The following SFRP5 variants were observed in gnomAD, a reference collection of about 807,000 sequenced individuals.
SFRP5 encodes secreted frizzled-related protein 5.
A neutral mutation model predicts 27.0 loss-of-function variants in SFRP5; 22 were observed. The ratio of observed to expected loss-of-function variants is 0.82; its 90% CI spans 0.58 to 1.17. The LOEUF (loss-of-function observed/expected upper bound fraction) is 1.17. Among genes scored for constraint, SFRP5 ranks in the 50% most tolerant of loss-of-function variants. The probability of loss-of-function intolerance (pLI) is 0.00; values close to 1 mark genes in which losing one functional copy is unlikely to be tolerated. For synonymous variants in SFRP5, 171 were observed against 195.0 expected (o/e 0.88, Z 1.03); for missense variants, 406 against 436.6 (o/e 0.93, Z 0.63).
In SFRP5 at chr10:97,767,319, G is replaced by C; in HGVS notation, c.*195C>G. 1 of 538,010 alleles carries C rather than the reference G, an allele frequency of 1.9e-6. No homozygotes were observed. Among genetic ancestry groups the C allele is most frequent in the Non-Finnish European group, 3.3e-6 (1 of 307,552 alleles). The allele number at this position is 538,010 out of a possible 1,614,324, so 33.3% of individuals were successfully genotyped here. On this transcript the variant is annotated 3_prime_UTR_variant, in exon 3 of 3. Coordinates refer to ENST00000266066, the MANE Select transcript of SFRP5 (RefSeq NM_003015.3). ...ATGAAGAAGCCCTGCTCCTGAGAGA[G>C]GAAGCCCAACATCCCAGGGACCCCA... is the stretch of plus-strand genomic sequence containing the variant.
chr10:97,769,895 C>G lies in SFRP5; in HGVS notation c.530-150G>C. On this transcript the variant is annotated intron_variant, in intron 1 of 2. Coordinates refer to ENST00000266066, the MANE Select transcript of SFRP5 (RefSeq NM_003015.3). ...TATCAGGAGATGGGATGATGGCAAT[C>G]ATATCACTACCTGCTCACAGAGTGA... 3 of 653,438 alleles carry G rather than the reference C, an allele frequency of 4.6e-6. 1 individual carries two copies. Among genetic ancestry groups the G allele is most frequent in the South Asian group, 3.5e-5 (2 of 57,356 alleles). 40.5% of individuals were successfully genotyped at this position (653,438 alleles called of 1,614,324 possible).
chr10:97,771,394 G>C lies in SFRP5; in HGVS notation c.440C>G (p.Pro147Arg). The change falls in exon 1 of 3, where the codon CCT becomes CGT. Residue 147 changes from proline to arginine, a missense_variant. Pro to Arg is a moderately radical substitution (Grantham distance 103, BLOSUM62 -2). Coordinates refer to ENST00000266066, the MANE Select transcript of SFRP5 (RefSeq NM_003015.3). The surrounding 1 kb of genome is among the most constrained non-coding windows in gnomAD (Gnocchi z 5.2). ...GAACTTGTGGCAGTGCAGCATCTCA[G>C]GCCAGGGGAAGCCGTAGGCCTCCAT... is the stretch of plus-strand genomic sequence containing the variant. ...PLMEAYGFPWPEMLHCHKFPL... is the reference protein window; with the variant it reads ...PLMEAYGFPWREMLHCHKFPL... 2 of 1,612,824 alleles carry C rather than the reference G, an allele frequency of 1.2e-6. No homozygotes were observed. Among genetic ancestry groups the C allele is most frequent in the Non-Finnish European group, 1.7e-6 (2 of 1,179,538 alleles).
In SFRP5 at chr10:97,771,808, C is replaced by T; in HGVS notation, c.26G>A (p.Gly9Asp). Residue 9 changes from glycine (G) to aspartate (D), a missense_variant, in exon 1 of 3, where the codon GGC (glycine) becomes GAC (aspartate). Transcript: ENST00000266066. This position sits in a 1 kb window ranked among gnomAD's most constrained non-coding sequence, Gnocchi z 5.2. ...CAGCGCCAGCGCGGCCGTCCGCACG[C>T]CCCCCCCCGCCGCCGCCGCCCGCAT... is the stretch of plus-strand genomic sequence containing the variant. MRAAAAGG[G>D]VRTAALALLL... 2 of 1,117,620 alleles carry T rather than the reference C, an allele frequency of 1.8e-6. No individual in the cohort carries two copies. The highest frequency in any genetic ancestry group is 4.1e-5 in the South Asian group (1 of 24,164). 69.2% of individuals were successfully genotyped at this position (1,117,620 alleles called of 1,614,324 possible).
rs1388476211 is a variant in SFRP5, at chr10:97,771,915, C to G, written c.-82G>C. On this transcript the variant is annotated 5_prime_UTR_variant, in exon 1 of 3. Transcript: ENST00000266066. This position sits in a 1 kb window ranked among gnomAD's most constrained non-coding sequence, Gnocchi z 5.2. Reference sequence around the variant, plus strand: ...GCCCAGGTGTTCCGGCGTGCGCCCCCGGCCCTGACTCTACCCAGCCGCCGC... The same window carrying G: ...GCCCAGGTGTTCCGGCGTGCGCCCCGGGCCCTGACTCTACCCAGCCGCCGC... The G allele has an allele frequency of 2.1e-6, 2 of 946,772 alleles. No homozygotes were observed. The highest frequency in any genetic ancestry group is 1.8e-5 in the African/African-American group (1 of 54,940). The allele number at this position is 946,772 out of a possible 1,614,324, so 58.6% of individuals were successfully genotyped here. A position where few individuals can be genotyped will look rare whatever the true frequency, so the allele number is the denominator to read the frequency against.
rs1388608662 is a variant in SFRP5, at chr10:97,771,733, T to C, written c.101A>G (p.Tyr34Cys). Residue 34 changes from tyrosine (Y) to cysteine (C), a missense_variant, in exon 1 of 3, where the codon TAC (tyrosine) becomes TGC (cysteine). Transcript: ENST00000266066. The surrounding 1 kb of genome is among the most constrained non-coding windows in gnomAD (Gnocchi z 5.2). ...CAGCGGCTCGGCCTGCCAGCCATAG[T>C]AGTCGTACTCCTCGCAGCGCGCCGG... Reference protein sequence around the residue: ...WAPARCEEYDYYGWQAEPLHG... With the variant: ...WAPARCEEYDCYGWQAEPLHG... 15 of 1,596,244 alleles carry C rather than the reference T, an allele frequency of 9.4e-6. No homozygotes were observed. Among genetic ancestry groups the C allele is most frequent in the East Asian group, 2.2e-5 (1 of 44,812 alleles).
chr10:97,767,811 C>T lies in SFRP5; in HGVS notation c.657G>A (p.Lys219=). The part of the protein sequence containing the change: ...KEIKIENGDR[K]LIGAQKKKKL... The stretch of plus-strand genomic sequence containing the variant: ...TCTTCTTTTTCTGGGCTCCAATCAG[C>T]TTCCGGTCCCCATTCTCTATCTTGA... The change falls in exon 3 of 3, where the codon AAG becomes AAA. Residue 219 remains lysine (K), a synonymous_variant. Transcript: ENST00000266066. 1 of 1,539,982 alleles carries T rather than the reference C, an allele frequency of 6.5e-7. No homozygotes were observed. Among genetic ancestry groups the T allele is most frequent in the Non-Finnish European group, 8.7e-7 (1 of 1,147,844 alleles).
chr10:97,767,327 A>C lies in SFRP5; in HGVS notation c.*187T>G. 1.8e-6 allele frequency: 1 copy of C among 544,084 alleles called. No homozygotes were observed. Among genetic ancestry groups the C allele is most frequent in the Non-Finnish European group, 3.2e-6 (1 of 311,304 alleles). The allele number at this position is 544,084 out of a possible 1,614,324, so 33.7% of individuals were successfully genotyped here. ...GCCCTGCTCCTGAGAGAGGAAGCCCAACATCCCAGGGACCCCAGGACCCCT... is the reference window on the plus strand; with the variant it reads ...GCCCTGCTCCTGAGAGAGGAAGCCCCACATCCCAGGGACCCCAGGACCCCT... On this transcript the variant is annotated 3_prime_UTR_variant, in exon 3 of 3. Coordinates refer to ENST00000266066, the MANE Select transcript of SFRP5 (RefSeq NM_003015.3).
chr10:97,771,192 GT>G lies in SFRP5; in HGVS notation c.529+112del. On this transcript the variant is annotated intron_variant, in intron 1 of 2. Coordinates refer to ENST00000266066, the MANE Select transcript of SFRP5 (RefSeq NM_003015.3). This position sits in a 1 kb window ranked among gnomAD's most constrained non-coding sequence, Gnocchi z 5.2. ...GCTGGGCTGAGCTAGGACAGCGTGT[GT>G]GTGTGTGTGTGGGCGGAGGGGGGGA... is the stretch of plus-strand genomic sequence containing the variant. The G allele has an allele frequency of 6.2e-6, 4 of 647,692 alleles. No individual in the cohort carries two copies. The highest frequency in any genetic ancestry group is 2.0e-5 in the South Asian group (1 of 50,114). 40.1% of individuals were successfully genotyped at this position (647,692 alleles called of 1,614,324 possible). A position where few individuals can be genotyped will look rare whatever the true frequency, so the allele number is the denominator to read the frequency against.
Position 97,771,984 on chromosome 10 carries a change from T to C in SFRP5, c.-151A>G. 1 of 466,974 alleles carries C rather than the reference T, an allele frequency of 2.1e-6. No homozygotes were observed. Among genetic ancestry groups the C allele is most frequent in the Non-Finnish European group, 2.8e-6 (1 of 353,978 alleles). The allele number at this position is 466,974 out of a possible 1,614,324, so 28.9% of individuals were successfully genotyped here. A position where few individuals can be genotyped will look rare whatever the true frequency, so the allele number is the denominator to read the frequency against. On this transcript the variant is annotated 5_prime_UTR_variant, in exon 1 of 3. Coordinates refer to ENST00000266066, the MANE Select transcript of SFRP5 (RefSeq NM_003015.3). The surrounding 1 kb of genome is among the most constrained non-coding windows in gnomAD (Gnocchi z 5.2). ...CGCCCAGGTGGGTGGCAGCCTGCGC[T>C]GCGGGCGCCCCGACTGATCCTGGCG...
Position 97,771,256 on chromosome 10 carries a change from G to T in SFRP5, c.529+49C>A. The T allele has an allele frequency of 7.9e-6, 10 of 1,269,878 alleles. No individual in the cohort carries two copies. The highest frequency in any genetic ancestry group is 1.1e-5 in the Non-Finnish European group (10 of 920,908). 78.7% of individuals were successfully genotyped at this position (1,269,878 alleles called of 1,614,324 possible). On this transcript the variant is annotated intron_variant, in intron 1 of 2. Coordinates refer to ENST00000266066, the MANE Select transcript of SFRP5 (RefSeq NM_003015.3). This position sits in a 1 kb window ranked among gnomAD's most constrained non-coding sequence, Gnocchi z 5.2. ...GGGGGGTTCGCAGAGCTGTGCTAGG[G>T]GAGCTGCAGGGCCGTCGGAGCGCGC...
In SFRP5 at chr10:97,771,700, C is replaced by T. The variant is rs763199482; in HGVS notation, c.134G>A (p.Arg45His). 1.9e-6 allele frequency: 3 copies of T among 1,598,356 alleles called. No individual in the cohort carries two copies. Among genetic ancestry groups the T allele is most frequent in the Admixed American group, 1.7e-5 (1 of 59,948 alleles). ...GCACTGCGGCGGCTTGGAGTAGGAG[C>T]GGCCGTGCAGCGGCTCGGCCTGCCA... ...YGWQAEPLHG[R>H]SYSKPPQCLD... The change falls in exon 1 of 3, where the codon CGC becomes CAC. Residue 45 changes from arginine to histidine, a missense_variant. Coordinates refer to ENST00000266066, the MANE Select transcript of SFRP5 (RefSeq NM_003015.3). This position sits in a 1 kb window ranked among gnomAD's most constrained non-coding sequence, Gnocchi z 5.2.
Position 97,767,172 on chromosome 10 carries a change from A to C in SFRP5, c.*342T>G. Reference sequence around the variant, plus strand: ...TGAGGCCCCACCACCGACAGAGGGGAGCTGGAGCTGACACCACCTTCTACT... The same window carrying C: ...TGAGGCCCCACCACCGACAGAGGGGCGCTGGAGCTGACACCACCTTCTACT... On this transcript the variant is annotated 3_prime_UTR_variant, in exon 3 of 3. Coordinates refer to ENST00000266066, the MANE Select transcript of SFRP5 (RefSeq NM_003015.3). 1 of 213,066 alleles carries C rather than the reference A, an allele frequency of 4.7e-6. No individual in the cohort carries two copies. The allele number at this position is 213,066 out of a possible 1,614,324, so 13.2% of individuals were successfully genotyped here.
Position 97,767,535 on chromosome 10 carries a change from GT to G in SFRP5, c.932del (p.Tyr311SerfsTer31). 2.5e-6 allele frequency: 4 copies of G among 1,610,190 alleles called. No individual in the cohort carries two copies. The highest frequency in any genetic ancestry group is 3.4e-6 in the Non-Finnish European group (4 of 1,178,042). ...CCCTTCAGTGGGGCTCTGCCGCCCC[GT>G]AGAAGAAAGGGTAGTAGAGGGAGCA... Reference protein sequence around the residue: ...YPCSLYYPFFYGAAEPH With the variant: ...YPCSLYYPFFXGAAEPH On this transcript the variant is annotated frameshift_variant, in exon 3 of 3. Coordinates refer to ENST00000266066, the MANE Select transcript of SFRP5 (RefSeq NM_003015.3). LOFTEE classifies it high-confidence loss of function.
At position 97,771,307 on chromosome 10, in the gene SFRP5, G is replaced by C; in HGVS notation, c.527C>G (p.Pro176Arg). ...GGGGACGGCGGCGGCGGCGCTACCT[G>C]GAGGCGCGGTGGCGGGCAGGTGCCC... ...QFGHLPATAP[P>R]VTKICAQCEM... Residue 176 changes from proline to arginine, a missense_variant and splice_region_variant, in exon 1 of 3, where the codon CCA becomes CGA. Physicochemically the swap from Pro to Arg is moderately radical, Grantham distance 103. Transcript: ENST00000266066. This position sits in a 1 kb window ranked among gnomAD's most constrained non-coding sequence, Gnocchi z 5.2. The C allele has an allele frequency of 6.4e-7, 1 of 1,565,464 alleles. No individual in the cohort carries two copies. Among genetic ancestry groups the C allele is most frequent in the South Asian group, 1.2e-5 (1 of 85,936 alleles).
intron 2 of SFRP5, among the ~76,000 whole-genome samples, chr10:97,768,402 T>C (rs1465765681): frequency 6.6e-6 from 1 of 152,130 alleles, no homozygotes; most frequent in African/African-American, 2.4e-5. Context: ...AGTGGTGGGC[T>C]GGCAAATATT....
chr10:97,771,440 G>C lies in SFRP5; in HGVS notation c.394C>G (p.Arg132Gly). ...YPCRSLCEAV[R>G]AGCAPLMEAY... is the part of the protein sequence containing the mutation. Reference sequence around the variant, plus strand: ...TCCATGAGCGGCGCGCAGCCGGCGCGCACGGCCTCGCACAGCGAGCGGCAC... The same window carrying C: ...TCCATGAGCGGCGCGCAGCCGGCGCCCACGGCCTCGCACAGCGAGCGGCAC... Residue 132 changes from arginine (R) to glycine (G), a missense_variant, in exon 1 of 3, where the codon CGC becomes GGC. Coordinates refer to ENST00000266066, the MANE Select transcript of SFRP5 (RefSeq NM_003015.3). The surrounding 1 kb of genome is among the most constrained non-coding windows in gnomAD (Gnocchi z 5.2). 1 of 1,612,548 alleles carries C rather than the reference G, an allele frequency of 6.2e-7. No individual in the cohort carries two copies. Among genetic ancestry groups the C allele is most frequent in the Non-Finnish European group, 8.5e-7 (1 of 1,179,300 alleles).
intron 2 of SFRP5, 127 bp downstream of exon 2, chr10:97,769,540 CG>C (rs1200947246): frequency 8.0e-5 from 53 of 663,886 alleles, no homozygotes; most frequent in Middle Eastern, 7.8e-4. Flanking sequence ...GGCTTCTAAA[CG>C]GGAGCCATGA....
At chr10:97,767,965 G>C (rs2049495016) in intron 2 of SFRP5, 105 bp from the exon 3 acceptor site, 2 of 782,480 alleles carry the variant, frequency 2.6e-6, no homozygotes, top group Non-Finnish European at 4.0e-6. Context: ...GGGGGAGCCT[G>C]ATGCCCTGCG....
intron 1 of SFRP5, among the ~76,000 whole-genome samples, chr10:97,770,215 G>A (rs2049507081): frequency 6.6e-6 from 1 of 152,182 alleles, no homozygotes; most frequent in African/African-American, 2.4e-5. Flanking sequence ...GATTACAGGC[G>A]TGTGCCACCA....
Sources: allele counts gnomAD v4.1 joint callset (sites outside exome capture counted in the v4.1 genomes callset), GRCh38; gene constraint gnomAD v4.1.1; non-coding constraint Gnocchi (gnomAD v3.1); transcripts MANE v1.5; gene names NCBI Gene and HGNC (gene_info 2026-07-23, HGNC 2026-07-21).